CASZ1: variants seen among roughly 807,000 people sequenced by gnomAD.
The protein encoded by CASZ1 is castor zinc finger 1, also known as zinc finger protein castor homolog 1.
In CASZ1, 28 loss-of-function variants were observed where a neutral mutation model predicts 135.2. That is an observed-to-expected ratio of 0.21 (90% CI 0.15 to 0.28). CASZ1 has a LOEUF of 0.28. Ranked by LOEUF, CASZ1 falls within the 10% of genes least tolerant of loss-of-function variation. The probability of loss-of-function intolerance (pLI) is 1.00; values close to 1 mark genes in which losing one functional copy is unlikely to be tolerated. For missense variants in CASZ1, 2,161 were observed against 2,453.3 expected, an observed-to-expected ratio of 0.88 and a Z score of 2.52; for synonymous variants, 1,068 against 1,073.4, an observed-to-expected ratio of 0.99 and a Z score of 0.10.
At chr1:10,683,512 G>C (rs562229431) in intron 4 of CASZ1, among the ~76,000 whole-genome samples, 3 of 152,096 alleles carry the variant, frequency 2.0e-5, no homozygotes, top group African/African-American at 7.2e-5. Flanking sequence ...CCAGTGAACC[G>C]GGGGGCAAGG....
In CASZ1 at chr1:10,666,119, C is replaced by T. The variant is rs955507775; in HGVS notation, c.17-548G>A. 2.0e-5 allele frequency among the ~76,000 whole-genome samples: 3 copies of T among 152,118 alleles called. No individual in the cohort carries two copies. Among genetic ancestry groups the T allele is most frequent in the East Asian group, 1.9e-4 (1 of 5,170 alleles). Reference sequence around the variant, plus strand: ...GTGCCAGCCTCTTGCCTCACTGTCCCGGCAGCACTTGGCTGGCACCCTCCC... The same window carrying T: ...GTGCCAGCCTCTTGCCTCACTGTCCTGGCAGCACTTGGCTGGCACCCTCCC... On this transcript the variant is annotated intron_variant, in intron 4 of 20. Transcript: ENST00000377022. The surrounding 1 kb of genome is among the most constrained non-coding windows in gnomAD (Gnocchi z 5.2).
intron 2 of CASZ1, among the ~76,000 whole-genome samples, chr1:10,744,340 GACACGGCACC>G (rs1332486836): frequency 6.6e-6 from 1 of 152,004 alleles, no homozygotes; most frequent in African/African-American, 2.4e-5. Context: ...GCAGAAGAGA[GACACGGCACC>G]ACGAGCAGGC....
intron 1 of CASZ1, among the ~76,000 whole-genome samples, chr1:10,773,297 T>C (rs967757106): frequency 2.0e-5 from 3 of 149,372 alleles, no homozygotes. Flanking sequence ...CCCTGAACCA[T>C]CCCCACACTC....
chr1:10,720,362 C>T lies in CASZ1; in HGVS notation c.-76-14818G>A, dbSNP rs1184743684. ...TAACCAGGATATGGTAACTAGGAAT[C>T]GTGCCTTTGGGGCTGGTGATGGCAG... On this transcript the variant is annotated intron_variant, in intron 2 of 20. Coordinates refer to ENST00000377022, the MANE Select transcript of CASZ1 (RefSeq NM_001079843.3). This position sits in a 1 kb window ranked among gnomAD's most constrained non-coding sequence, Gnocchi z 5.7. 6.6e-6 allele frequency among the ~76,000 whole-genome samples: 1 copy of T among 152,314 alleles called. No homozygotes were observed. Among genetic ancestry groups the T allele is most frequent in the African/African-American group, 2.4e-5 (1 of 41,568 alleles).
chr1:10,704,730 G>T (rs1333784700), intron 3 of CASZ1, among the ~76,000 whole-genome samples: 1 of 152,262 alleles, frequency 6.6e-6, no homozygotes, highest in Non-Finnish European at 1.5e-5. Context: ...CAGCCAGCCA[G>T]CTCGCCCGCC....
intron 1 of CASZ1, among the ~76,000 whole-genome samples, chr1:10,769,503 A>G (rs907700537): frequency 6.6e-6 from 1 of 152,200 alleles, no homozygotes; most frequent in Non-Finnish European, 1.5e-5. Flanking sequence ...TATTAATGAT[A>G]ATAACAGAAA....
chr1:10,795,869 C>T (rs933927310), intron 1 of CASZ1, among the ~76,000 whole-genome samples: 13 of 152,186 alleles, frequency 8.5e-5, no homozygotes, highest in Admixed American at 2.0e-4. Context: ...TTTGGCACCC[C>T]GCGCCTAAGC....
rs887408410 is a variant in CASZ1, at chr1:10,757,076, G to A, written c.-77+3625C>T. Reference sequence around the variant, plus strand: ...CAGGCTCACTCCTGAAAACGGTGTCGGAGAGAAGCAGTTCCCTCCGCAAGG... The same window carrying A: ...CAGGCTCACTCCTGAAAACGGTGTCAGAGAGAAGCAGTTCCCTCCGCAAGG... On this transcript the variant is annotated intron_variant, in intron 2 of 20. Coordinates refer to ENST00000377022, the MANE Select transcript of CASZ1 (RefSeq NM_001079843.3). This position sits in a 1 kb window ranked among gnomAD's most constrained non-coding sequence, Gnocchi z 4.6. 6.6e-6 allele frequency among the ~76,000 whole-genome samples: 1 copy of A among 152,110 alleles called. No homozygotes were observed.
Position 10,794,800 on chromosome 1 carries a change from C to T in CASZ1, c.-234+1764G>A, listed in dbSNP as rs1159800716. 6.6e-6 allele frequency among the ~76,000 whole-genome samples: 1 copy of T among 152,154 alleles called. No homozygotes were observed. Among genetic ancestry groups the T allele is most frequent in the Non-Finnish European group, 1.5e-5 (1 of 68,018 alleles). ...GTGTCCCTCCAGCCGTGATTGACGG[C>T]GCATACACCTGTTCCCTTCGCGGAG... On this transcript the variant is annotated intron_variant, in intron 1 of 20. Transcript: ENST00000377022. This position sits in a 1 kb window ranked among gnomAD's most constrained non-coding sequence, Gnocchi z 5.6.
In CASZ1 at chr1:10,665,121, G is replaced by A; in HGVS notation, c.467C>T (p.Ser156Phe). The A allele has an allele frequency of 6.6e-7, 1 of 1,514,800 alleles. No homozygotes were observed. Among genetic ancestry groups the A allele is most frequent in the East Asian group, 2.3e-5 (1 of 43,508 alleles). The allele number at this position is 1,514,800 out of a possible 1,614,324, so 93.8% of individuals were successfully genotyped here. ...LEEKDSDGAA[S>F]KEDSGPSTRQ... is the part of the protein sequence containing the mutation. ...GGTGCTGGGGCCGCTGTCCTCCTTG[G>A]AGGCTGCCCCGTCCGAATCCTTCTC... Residue 156 changes from serine (S) to phenylalanine (F), a missense_variant, in exon 5 of 21, where the codon TCC becomes TTC. Transcript: ENST00000377022.
In CASZ1 at chr1:10,694,072, C is replaced by T. The variant is rs1447762603; in HGVS notation, c.-23-160G>A. ...GGCGGAGAAACTTTCTCCTCCGCGC[C>T]GCCCGCTTCTCACGCTCGGCCCCGC... On this transcript the variant is annotated intron_variant, in intron 3 of 20. Transcript: ENST00000377022. This position sits in a 1 kb window ranked among gnomAD's most constrained non-coding sequence, Gnocchi z 6.6. Among the ~76,000 whole-genome samples the T allele has an allele frequency of 6.6e-6, 1 of 151,714 alleles. No individual in the cohort carries two copies. Among genetic ancestry groups the T allele is most frequent in the African/African-American group, 2.4e-5 (1 of 41,400 alleles).
chr1:10,736,657 A>T (rs886972448), intron 2 of CASZ1, among the ~76,000 whole-genome samples: 7 of 152,240 alleles, frequency 4.6e-5, no homozygotes, highest in Admixed American at 3.9e-4. Flanking sequence ...CTCATTCATC[A>T]CCTACGAGGC....
Position 10,700,722 on chromosome 1 carries a change from C to T in CASZ1, c.-24+4770G>A, listed in dbSNP as rs530623215. On this transcript the variant is annotated intron_variant, in intron 3 of 20. Transcript: ENST00000377022. The surrounding 1 kb of genome is among the most constrained non-coding windows in gnomAD (Gnocchi z 4.2). ...CTTCCCAGCATCTTCAGGAAATCAT[C>T]GTTAGTGGAACCCTAGGTCTGCTGA... Among the ~76,000 whole-genome samples, 4 of 152,230 alleles carry T rather than the reference C, an allele frequency of 2.6e-5. No individual in the cohort carries two copies. Among genetic ancestry groups the T allele is most frequent in the East Asian group, 3.9e-4 (2 of 5,178 alleles).
chr1:10,653,865 A>G lies in CASZ1; in HGVS notation c.2192T>C (p.Leu731Pro), dbSNP rs963310249. ...SNDDLVDFSA[L>P]SSKNSSLSAS... ...GCTCAGGCTGGAGTTCTTGCTGCTC[A>G]GGGCGGAGAAGTCAACAAGGTCGTC... Residue 731 changes from leucine (L) to proline (P), a missense_variant, in exon 11 of 21, where the codon CTG (leucine) becomes CCG (proline). By Grantham distance (98) the Leu-to-Pro change is moderately conservative. Around this residue, in one of 7 missense-constraint regions of CASZ1, gnomAD observed 406 missense variants for 387.6 expected, o/e 1.05. Transcript: ENST00000377022. 1.2e-6 allele frequency: 2 copies of G among 1,611,718 alleles called. No homozygotes were observed. The highest frequency in any genetic ancestry group is 2.7e-5 in the African/African-American group (2 of 74,882).
In CASZ1 at chr1:10,647,279, G is replaced by A. The variant is rs994399301; in HGVS notation, c.3497+522C>T. ...GCACACATGACAATACAAAGTCACCGTTCTCCCTGCAAGGAGCCACCACCA... is the reference window on the plus strand; with the variant it reads ...GCACACATGACAATACAAAGTCACCATTCTCCCTGCAAGGAGCCACCACCA... On this transcript the variant is annotated intron_variant, in intron 16 of 20. Transcript: ENST00000377022. This position sits in a 1 kb window ranked among gnomAD's most constrained non-coding sequence, Gnocchi z 4.9. The A allele has an allele frequency of 7.2e-5, 72 of 998,146 alleles. No homozygotes were observed. The highest frequency in any genetic ancestry group is 8.2e-5 in the Non-Finnish European group (69 of 836,764). 61.8% of individuals were successfully genotyped at this position (998,146 alleles called of 1,614,324 possible).
chr1:10,726,580 C>T lies in CASZ1; in HGVS notation c.-76-21036G>A, dbSNP rs143312418. ...ATCCGGCCAGAGGAAACACCGGGCA[C>T]GGGGAATGGAGCCCTCGCCAGCGTC... On this transcript the variant is annotated intron_variant, in intron 2 of 20. Coordinates refer to ENST00000377022, the MANE Select transcript of CASZ1 (RefSeq NM_001079843.3). The surrounding 1 kb of genome is among the most constrained non-coding windows in gnomAD (Gnocchi z 5.7). Among the ~76,000 whole-genome samples, 170 of 152,338 alleles carry T rather than the reference C, an allele frequency of 1.1e-3. 1 individual carries two copies. The highest frequency in any genetic ancestry group is 1.7e-3 in the Non-Finnish European group (113 of 68,022).
At chr1:10,693,808 A>G (rs985261689) in intron 4 of CASZ1, 66 bp downstream of exon 4, 1 of 1,485,022 alleles carries the variant, frequency 6.7e-7, no homozygotes, top group African/African-American at 1.4e-5. Context: ...GCTAAAAATA[A>G]GAACTTCCGT....
chr1:10,683,932 A>T (rs1485115318), intron 4 of CASZ1, among the ~76,000 whole-genome samples: 1 of 152,196 alleles, frequency 6.6e-6, no homozygotes, highest in Non-Finnish European at 1.5e-5. Flanking sequence ...CACGGTAGAT[A>T]CCTAGGGCTG....
At chr1:10,650,408 C>T (rs1436000056) in intron 13 of CASZ1, 4 of 276,688 alleles carry the variant, frequency 1.4e-5, no homozygotes, top group South Asian at 1.7e-4. Flanking sequence ...TAACGAGGCA[C>T]GAACGAAGTT....
Sources: gnomAD v4.1 joint callset for allele counts (sites outside exome capture counted in the v4.1 genomes callset) on GRCh38, gnomAD v4.1.1 for gene constraint, gnomAD v4.1.1 regional missense constraint, Gnocchi (gnomAD v3.1) non-coding constraint, MANE v1.5 for transcripts, NCBI Gene and HGNC (gene_info 2026-07-23, HGNC 2026-07-21) for gene names.